ASTN2: variants seen among roughly 807,000 people sequenced by gnomAD.
The protein encoded by ASTN2 is astrotactin-2.
ASTN2 carries 54 observed loss-of-function variants against 139.8 expected under a neutral mutation model. The observed-to-expected ratio is 0.39, with a 90% confidence interval of 0.31 to 0.48. The LOEUF (loss-of-function observed/expected upper bound fraction) is 0.48, where lower values mean the gene tolerates loss of function less well. Ranked by LOEUF, ASTN2 falls within the 20% of genes least tolerant of loss-of-function variation. The pLI is 0.95. For missense variants in ASTN2, 1,565 were observed against 1,725.1 expected (o/e 0.91, Z 1.64); for synonymous variants, 756 against 719.5 (o/e 1.05, Z -0.81).
intron 16 of ASTN2, chr9:116,686,557 A>T (rs1860219997): frequency 2.4e-6 from 2 of 824,380 alleles, no homozygotes; most frequent in Admixed American, 2.2e-5. Flanking sequence ...GTGGCCAGCC[A>T]GTCCTGTATC....
chr9:117,044,737 C>A (rs1448538563), intron 5 of ASTN2, among the ~76,000 whole-genome samples: 1 of 152,162 alleles, frequency 6.6e-6, no homozygotes, highest in Non-Finnish European at 1.5e-5. Flanking sequence ...CATTCATTTA[C>A]GAATCCAGCC....
chr9:117,309,148 G>C (rs1357857727), intron 1 of ASTN2, among the ~76,000 whole-genome samples: 1 of 152,232 alleles, frequency 6.6e-6, no homozygotes, highest in Non-Finnish European at 1.5e-5. Flanking sequence ...GCTCAGAGAA[G>C]TGCAGACACT....
intron 16 of ASTN2, among the ~76,000 whole-genome samples, chr9:116,653,549 G>A (rs1042182111): frequency 1.3e-5 from 2 of 152,154 alleles, no homozygotes; most frequent in Admixed American, 1.3e-4. Context: ...GGTAAAACAT[G>A]GTAATTTTAT....
intron 19 of ASTN2, among the ~76,000 whole-genome samples, chr9:116,523,137 T>C (rs1042754160): frequency 1.3e-5 from 2 of 151,966 alleles, no homozygotes; most frequent in African/African-American, 4.8e-5. Flanking sequence ...CTATTAACTA[T>C]TATTAAGATA....
intron 16 of ASTN2, among the ~76,000 whole-genome samples, chr9:116,721,251 G>A (rs932735845): frequency 2.0e-5 from 3 of 152,204 alleles, no homozygotes; most frequent in Admixed American, 1.3e-4. Flanking sequence ...AAGAGGTAGA[G>A]CTGGGATTTG....
At chr9:116,741,710 G>C (rs1373267729) in intron 13 of ASTN2, among the ~76,000 whole-genome samples, 1 of 152,204 alleles carries the variant, frequency 6.6e-6, no homozygotes, top group Non-Finnish European at 1.5e-5. Context: ...TGCTGGGCTA[G>C]ATTTTGTAGC....
At chr9:116,875,504 A>G (rs2094284) in intron 10 of ASTN2, among the ~76,000 whole-genome samples, 52,946 of 152,118 alleles carry the variant, frequency 0.35, 9,934 homozygotes, top group East Asian at 0.53. Flanking sequence ...AAGTGCTGAT[A>G]TATTAATAGA....
intron 1 of ASTN2, among the ~76,000 whole-genome samples, chr9:117,337,624 T>C (rs1489855353): frequency 6.6e-6 from 1 of 152,220 alleles, no homozygotes; most frequent in Non-Finnish European, 1.5e-5. Context: ...TGCATTTGTA[T>C]AACTTCAATA....
chr9:116,649,569 T>C (rs1236232143), intron 17 of ASTN2, among the ~76,000 whole-genome samples: 1 of 59,672 alleles, frequency 1.7e-5, no homozygotes, highest in African/African-American at 5.1e-5. Context: ...AACAAAACTG[T>C]CTCAAAAAAA....
intron 20 of ASTN2, among the ~76,000 whole-genome samples, chr9:116,463,908 G>GTGTT (rs1438137299): frequency 8.6e-6 from 1 of 115,932 alleles, no homozygotes; most frequent in South Asian, 3.2e-4. Context: ...AGAGTTTTGT[G>GTGTT]TTTTTTTTTT....
chr9:117,169,254 T>C (rs1041237289), intron 3 of ASTN2, among the ~76,000 whole-genome samples: 1 of 152,060 alleles, frequency 6.6e-6, no homozygotes, highest in Non-Finnish European at 1.5e-5. Flanking sequence ...GGTCTTTCTG[T>C]CTTCCAAATG....
At chr9:117,133,331 G>A (rs961174761) in intron 4 of ASTN2, among the ~76,000 whole-genome samples, 1 of 152,136 alleles carries the variant, frequency 6.6e-6, no homozygotes, top group African/African-American at 2.4e-5. Flanking sequence ...TGTAGATTAG[G>A]TAATGGAGAT....
At chr9:116,927,101 A>G (rs151204435) in intron 10 of ASTN2, among the ~76,000 whole-genome samples, 21 of 152,346 alleles carry the variant, frequency 1.4e-4, no homozygotes, top group African/African-American at 4.6e-4. Context: ...AGTACCAAAG[A>G]AACCCATTTT....
intron 10 of ASTN2, among the ~76,000 whole-genome samples, chr9:116,933,979 C>CTTTTTTTGTTTTTTTTTTTTTTT (rs1834987342): frequency 1.2e-5 from 1 of 86,910 alleles, no homozygotes; most frequent in African/African-American, 4.7e-5. Flanking sequence ...AGTGTTAGTC[C>CTTTTTTTGTTTTTTTTTTTTTTT]TTTTTTTTTT....
At chr9:116,791,945 C>T (rs116585952) in intron 13 of ASTN2, among the ~76,000 whole-genome samples, 152 of 152,268 alleles carry the variant, frequency 1.0e-3, no homozygotes, top group African/African-American at 3.5e-3. Context: ...GCACCTCTTG[C>T]AGTCTAGAGA....
intron 16 of ASTN2, among the ~76,000 whole-genome samples, chr9:116,657,571 T>C (rs1407319293): frequency 6.6e-6 from 1 of 152,178 alleles, no homozygotes; most frequent in East Asian, 1.9e-4. Flanking sequence ...CCAGACACGG[T>C]GGCTCACGCC....
chr9:117,136,264 T>A (rs988925223), intron 4 of ASTN2, among the ~76,000 whole-genome samples: 1 of 152,230 alleles, frequency 6.6e-6, no homozygotes, highest in Non-Finnish European at 1.5e-5. Context: ...CACCCCCTTA[T>A]AGTTAGTTAA....
intron 1 of ASTN2, among the ~76,000 whole-genome samples, chr9:117,406,792 A>G (rs1201711699): frequency 6.6e-6 from 1 of 151,680 alleles, no homozygotes; most frequent in East Asian, 1.9e-4. Flanking sequence ...TTTTCCATAG[A>G]ATTTTTCATC....
rs55856269 is a variant in ASTN2 at position 116,879,344 on chromosome 9, G to GAGAC, written c.1890-15615_1890-15612dup. Among the ~76,000 whole-genome samples the GAGAC allele has an allele frequency of 6.0e-3, 903 of 149,784 alleles. 9 individuals carry two copies. Among genetic ancestry groups the GAGAC allele is most frequent in the East Asian group, 0.036 (180 of 5,056 alleles). ...GAAAATGCAAGACTGGAGAGAGACA[G>GAGAC]AGACAGACAGACAGACAGACAGACA... On this transcript the variant is annotated intron_variant, in intron 10 of 22. Transcript: ENST00000313400.
Sources: allele counts gnomAD v4.1 joint callset (sites outside exome capture counted in the v4.1 genomes callset), GRCh38; gene constraint gnomAD v4.1.1; transcripts MANE v1.5; gene names NCBI Gene and HGNC (gene_info 2026-07-23, HGNC 2026-07-21).